Variants in NEGR1 observed in about 807,000 individuals in gnomAD.
The protein encoded by NEGR1 is IgLON family member 4.
Under a neutral mutation model 40.9 loss-of-function variants are expected in NEGR1, and 10 were observed. The observed-to-expected ratio is 0.24, with a 90% CI of 0.15 to 0.42. The LOEUF is 0.42. NEGR1 is among the 10% of genes least tolerant of loss of function. NEGR1 has a pLI of 1.00. For synonymous variants in NEGR1, 185 were observed against 166.8 expected (o/e 1.11, Z -0.84); for missense variants, 352 against 438.9 (o/e 0.80, Z 1.77).
chr1:71,623,090 C>T (rs1650659915), intron 4 of NEGR1, among the ~76,000 whole-genome samples: 1 of 151,580 alleles, frequency 6.6e-6, no homozygotes, highest in Admixed American at 6.6e-5. Flanking sequence ...GAATTACTTT[C>T]CAAACACACT....
At chr1:71,454,724 C>G (rs917845336) in intron 6 of NEGR1, among the ~76,000 whole-genome samples, 2 of 152,218 alleles carry the variant, frequency 1.3e-5, no homozygotes, top group African/African-American at 4.8e-5. Context: ...TAAGCTTGAA[C>G]AGATCACTCC....
chr1:71,574,075 C>T (rs536028164), intron 6 of NEGR1, among the ~76,000 whole-genome samples: 2 of 152,280 alleles, frequency 1.3e-5, no homozygotes, highest in East Asian at 1.9e-4. Context: ...CCATTTCTTA[C>T]AGGATGAAGT....
intron 2 of NEGR1, among the ~76,000 whole-genome samples, chr1:71,831,397 C>G (rs960293703): frequency 6.6e-6 from 1 of 151,904 alleles, no homozygotes; most frequent in Non-Finnish European, 1.5e-5. Flanking sequence ...ATTCATGTTA[C>G]TCATTATATT....
intron 4 of NEGR1, among the ~76,000 whole-genome samples, chr1:71,625,865 T>A (rs1161455219): frequency 6.6e-6 from 1 of 151,864 alleles, no homozygotes; most frequent in Non-Finnish European, 1.5e-5. Flanking sequence ...AATTTTTTTT[T>A]ATATTTAGAT....
At chr1:72,047,994 A>G (rs1647018328) in intron 1 of NEGR1, among the ~76,000 whole-genome samples, 1 of 151,594 alleles carries the variant, frequency 6.6e-6, no homozygotes, top group Admixed American at 6.6e-5. Flanking sequence ...AGCTTTATGT[A>G]AAACAGGAGC....
At chr1:72,052,729 A>C (rs1647074109) in intron 1 of NEGR1, among the ~76,000 whole-genome samples, 1 of 151,490 alleles carries the variant, frequency 6.6e-6, no homozygotes, top group East Asian at 1.9e-4. Context: ...TGAGCTATTA[A>C]CTTTTGCATA....
chr1:72,154,626 T>G (rs1651292791), intron 1 of NEGR1, among the ~76,000 whole-genome samples: 1 of 152,078 alleles, frequency 6.6e-6, no homozygotes, highest in Admixed American at 6.6e-5. Context: ...GAAAAAATTT[T>G]ACTTCACTCA....
intron 1 of NEGR1, among the ~76,000 whole-genome samples, chr1:72,204,998 G>A (rs1004964911): frequency 1.3e-5 from 2 of 151,688 alleles, no homozygotes; most frequent in African/African-American, 4.8e-5. Flanking sequence ...AAAACAAAAA[G>A]CAAACATGAA....
rs532988203 is a variant in NEGR1 at position 72,211,179 on chromosome 1, C to T, written c.176+71140G>A. 1.1e-3 allele frequency among the ~76,000 whole-genome samples: 163 copies of T among 151,878 alleles called. 1 individual carries two copies. The highest frequency in any genetic ancestry group is 3.6e-3 in the African/African-American group (151 of 41,538). ...TTCTAATCAGTCTCTTGCTTTCTCT[C>T]TTCCTTCCAATATATTTGTTGGGTA... On this transcript the variant is annotated intron_variant, in intron 1 of 6. Transcript: ENST00000357731.
At position 71,719,942 on chromosome 1, in the gene NEGR1, C is replaced by A. The variant is rs561339615; in HGVS notation, c.536-21803G>T. On this transcript the variant is annotated intron_variant, in intron 3 of 6. Coordinates refer to ENST00000357731, the MANE Select transcript of NEGR1 (RefSeq NM_173808.3). ...ATTATGTCCTGACCCTATAAGAGTG[C>A]ATGTACTCAACATAATGGATATATC... Among the ~76,000 whole-genome samples the A allele has an allele frequency of 7.0e-4, 106 of 152,104 alleles. 2 individuals carry two copies. The highest frequency in any genetic ancestry group is 8.1e-4 in the Non-Finnish European group (55 of 68,002).
chr1:71,575,002 G>T (rs1648919293), intron 6 of NEGR1, among the ~76,000 whole-genome samples: 2 of 152,092 alleles, frequency 1.3e-5, no homozygotes, highest in Non-Finnish European at 2.9e-5. Flanking sequence ...ATTATTCTGA[G>T]ACTAAATCTG....
chr1:71,652,792 A>G (rs1651759656), intron 4 of NEGR1, among the ~76,000 whole-genome samples: 1 of 152,074 alleles, frequency 6.6e-6, no homozygotes, highest in African/African-American at 2.4e-5. Context: ...TGAGCCCAGT[A>G]GGTGGAGGTT....
chr1:71,775,212 T>C (rs1056716348), intron 3 of NEGR1, among the ~76,000 whole-genome samples: 9 of 152,214 alleles, frequency 5.9e-5, no homozygotes, highest in African/African-American at 2.2e-4. Flanking sequence ...AAGACATTTC[T>C]CTTGTGACAT....
chr1:72,124,019 T>A (rs1167350927), intron 1 of NEGR1, among the ~76,000 whole-genome samples: 1 of 152,062 alleles, frequency 6.6e-6, no homozygotes, highest in Non-Finnish European at 1.5e-5. Flanking sequence ...AAATCTATCA[T>A]TTATATAGTT....
chr1:71,840,786 T>C (rs1659209467), intron 2 of NEGR1, among the ~76,000 whole-genome samples: 1 of 152,178 alleles, frequency 6.6e-6, no homozygotes, highest in African/African-American at 2.4e-5. Context: ...CAGTTGTTTC[T>C]GTGAGAATGT....
Position 72,049,020 on chromosome 1 carries a change from G to T in NEGR1, c.177-113709C>A, listed in dbSNP as rs866365252. ...TAGTATAATGAAATAGGAAATTTGG[G>T]TGTCCACTTTAGAGTGGCTACCAAA... On this transcript the variant is annotated intron_variant, in intron 1 of 6. Transcript: ENST00000357731. Among the ~76,000 whole-genome samples, 31 of 151,666 alleles carry T rather than the reference G, an allele frequency of 2.0e-4. 1 individual carries two copies. The Middle Eastern group carries it at 0.01, about 50-fold the overall frequency.
At chr1:72,023,099 A>T (rs1421525943) in intron 1 of NEGR1, among the ~76,000 whole-genome samples, 1 of 152,134 alleles carries the variant, frequency 6.6e-6, no homozygotes, top group Non-Finnish European at 1.5e-5. Flanking sequence ...ATCTCATTAA[A>T]CAGTATTTCC....
At chr1:71,814,347 A>T (rs188601280) in intron 2 of NEGR1, among the ~76,000 whole-genome samples, 288 of 152,228 alleles carry the variant, frequency 1.9e-3, no homozygotes, top group African/African-American at 6.6e-3. Context: ...ATCAATGTTC[A>T]TCAGGGATAT....
chr1:72,245,864 T>C (rs2100521363), intron 1 of NEGR1, among the ~76,000 whole-genome samples: 1 of 152,274 alleles, frequency 6.6e-6, no homozygotes, highest in East Asian at 1.9e-4. Flanking sequence ...AATCTAGTAC[T>C]CTTAACAAAA....
Sources: allele counts gnomAD v4.1 joint callset (sites outside exome capture counted in the v4.1 genomes callset), GRCh38; gene constraint gnomAD v4.1.1; transcripts MANE v1.5; gene names NCBI Gene and HGNC (gene_info 2026-07-23, HGNC 2026-07-21).